Variants in KCNH5 observed in about 807,000 individuals in gnomAD.
KCNH5 encodes potassium voltage-gated channel subfamily H member 5.
In KCNH5, 46 loss-of-function variants were observed where a neutral mutation model predicts 96.1. The observed-to-expected ratio is 0.48, with a 90% confidence interval of 0.38 to 0.61. The LOEUF (loss-of-function observed/expected upper bound fraction) is 0.61. Ranked by LOEUF, KCNH5 falls within the 20% of genes least tolerant of loss-of-function variation. KCNH5 has a pLI of 0.00. For synonymous variants in KCNH5, 439 were observed against 449.8 expected, an observed-to-expected ratio of 0.98 and a Z score of 0.30; for missense variants, 907 against 1,225.8, an observed-to-expected ratio of 0.74 and a Z score of 3.88.
At chr14:62,969,103 G>C (rs1008518320) in intron 6 of KCNH5, among the ~76,000 whole-genome samples, 3 of 151,912 alleles carry the variant, frequency 2.0e-5, no homozygotes, top group African/African-American at 7.3e-5. Flanking sequence ...ATCAATAACA[G>C]AACAATATCT....
intron 8 of KCNH5, among the ~76,000 whole-genome samples, chr14:62,829,036 G>A (rs945902082): frequency 6.6e-6 from 1 of 152,160 alleles, no homozygotes; most frequent in Non-Finnish European, 1.5e-5. Context: ...CTGAAGTTCA[G>A]TAGGGCAGCC....
At chr14:62,901,371 C>T (rs550700401) in intron 7 of KCNH5, among the ~76,000 whole-genome samples, 1 of 151,984 alleles carries the variant, frequency 6.6e-6, no homozygotes, top group East Asian at 1.9e-4. Flanking sequence ...CAACCCTTGC[C>T]CCCTCCCTCT....
chr14:62,718,773 T>C (rs1203658077), intron 10 of KCNH5, among the ~76,000 whole-genome samples: 1 of 152,212 alleles, frequency 6.6e-6, no homozygotes. Flanking sequence ...CACAGCAGCA[T>C]CATTTATGAT....
chr14:62,973,475 C>T (rs1264882365), intron 6 of KCNH5, among the ~76,000 whole-genome samples: 1 of 152,148 alleles, frequency 6.6e-6, no homozygotes, highest in Non-Finnish European at 1.5e-5. Context: ...ATAAAAAGGG[C>T]TTGCAGAAGC....
chr14:62,762,513 A>AC (rs1470533540), intron 10 of KCNH5, among the ~76,000 whole-genome samples: 1 of 152,054 alleles, frequency 6.6e-6, no homozygotes, highest in African/African-American at 2.4e-5. Flanking sequence ...CTCCACCACA[A>AC]CGTCACCCCA....
chr14:63,014,743 G>A (rs1370769505), intron 2 of KCNH5, among the ~76,000 whole-genome samples: 1 of 152,080 alleles, frequency 6.6e-6, no homozygotes, highest in Non-Finnish European at 1.5e-5. Flanking sequence ...GAAACTATGA[G>A]GAGTCAGAGA....
At chr14:62,960,586 G>T (rs948851647) in intron 6 of KCNH5, among the ~76,000 whole-genome samples, 5 of 152,024 alleles carry the variant, frequency 3.3e-5, no homozygotes, top group Admixed American at 3.3e-4. Flanking sequence ...TGTTTCATAA[G>T]CATTGGGCCC....
At chr14:63,041,082 A>C (rs144946572) in intron 1 of KCNH5, among the ~76,000 whole-genome samples, 1 of 152,268 alleles carries the variant, frequency 6.6e-6, no homozygotes, top group East Asian at 1.9e-4. Flanking sequence ...TAAAATTTTC[A>C]AAATAGCAAC....
intron 7 of KCNH5, among the ~76,000 whole-genome samples, chr14:62,944,203 T>C (rs188590438): frequency 7.9e-5 from 12 of 152,248 alleles, no homozygotes; most frequent in Admixed American, 6.5e-4. Context: ...GGAATCGGGA[T>C]TGTTGCCACA....
At chr14:63,002,622 T>C (rs1355149686) in intron 3 of KCNH5, among the ~76,000 whole-genome samples, 1 of 152,148 alleles carries the variant, frequency 6.6e-6, no homozygotes, top group African/African-American at 2.4e-5. Context: ...AGCACTTCTA[T>C]TCCCATGGCC....
In KCNH5 at chr14:62,706,582, T is replaced by A. The variant is rs1211106048; in HGVS notation, c.*926A>T. Reference sequence around the variant, plus strand: ...TTACTTAAATGCTTTATTTTTTGTATGTTTCTTTGCTAACAAGCCTTTCAA... The same window carrying A: ...TTACTTAAATGCTTTATTTTTTGTAAGTTTCTTTGCTAACAAGCCTTTCAA... On this transcript the variant is annotated 3_prime_UTR_variant, in exon 11 of 11. Transcript: ENST00000322893. 1.3e-5 allele frequency: 2 copies of A among 152,154 alleles called. No individual in the cohort carries two copies. Among genetic ancestry groups the A allele is most frequent in the African/African-American group, 4.8e-5 (2 of 41,472 alleles). 9.4% of individuals were successfully genotyped at this position (152,154 alleles called of 1,614,324 possible). A position where few individuals can be genotyped will look rare whatever the true frequency, so the allele number is the denominator to read the frequency against.
intron 10 of KCNH5, among the ~76,000 whole-genome samples, chr14:62,715,325 A>G (rs1031142973): frequency 6.6e-6 from 1 of 152,180 alleles, no homozygotes; most frequent in African/African-American, 2.4e-5. Context: ...CTGTGAATCG[A>G]CTAGGAATTT....
At chr14:62,967,252 T>C (rs896016500) in intron 6 of KCNH5, among the ~76,000 whole-genome samples, 22 of 152,012 alleles carry the variant, frequency 1.4e-4, no homozygotes, top group African/African-American at 5.1e-4. Flanking sequence ...GGGAATTTTT[T>C]TTTCCTTTTT....
intron 10 of KCNH5, among the ~76,000 whole-genome samples, chr14:62,735,962 A>G (rs931387859): frequency 6.6e-6 from 1 of 152,244 alleles, no homozygotes; most frequent in Non-Finnish European, 1.5e-5. Flanking sequence ...AACAAACAAC[A>G]GAAGCTAAAA....
chr14:63,018,645 A>T (rs1891371189), intron 1 of KCNH5, among the ~76,000 whole-genome samples: 1 of 152,068 alleles, frequency 6.6e-6, no homozygotes, highest in Non-Finnish European at 1.5e-5. Flanking sequence ...TAAAATAAAA[A>T]ATGTAGAAAT....
intron 7 of KCNH5, among the ~76,000 whole-genome samples, chr14:62,903,956 T>C (rs577136550): frequency 7.9e-5 from 12 of 152,082 alleles, no homozygotes; most frequent in Non-Finnish European, 1.6e-4. Flanking sequence ...ACACGCTATT[T>C]TCTTAAATGA....
chr14:62,765,057 A>G (rs1273749705), intron 10 of KCNH5, among the ~76,000 whole-genome samples: 1 of 152,222 alleles, frequency 6.6e-6, no homozygotes, highest in African/African-American at 2.4e-5. Flanking sequence ...AAGAGGCTAA[A>G]TAGCCAAAAT....
intron 7 of KCNH5, among the ~76,000 whole-genome samples, chr14:62,905,077 C>T (rs1889001079): frequency 1.3e-5 from 2 of 152,176 alleles, no homozygotes; most frequent in Admixed American, 6.5e-5. Flanking sequence ...TGAAAAGTCA[C>T]CAAGCCACGC....
chr14:62,799,513 C>T (rs1331910542), intron 9 of KCNH5, among the ~76,000 whole-genome samples: 2 of 128,404 alleles, frequency 1.6e-5, no homozygotes, highest in African/African-American at 3.0e-5. Flanking sequence ...GCGGAGGTTG[C>T]GGTGAGCTGA....
Sources: allele counts gnomAD v4.1 joint callset (sites outside exome capture counted in the v4.1 genomes callset), GRCh38; gene constraint gnomAD v4.1.1; transcripts MANE v1.5; gene names NCBI Gene and HGNC (gene_info 2026-07-23, HGNC 2026-07-21).